The following DSCAM variants were observed in gnomAD, a reference collection of about 807,000 sequenced individuals.
The protein encoded by DSCAM is cell adhesion molecule DSCAM.
A neutral mutation model predicts 217.7 loss-of-function variants in DSCAM; 47 were observed. The ratio of observed to expected loss-of-function variants is 0.22; its 90% confidence interval spans 0.17 to 0.28. The LOEUF (loss-of-function observed/expected upper bound fraction) is 0.28, where lower values mean the gene tolerates loss of function less well. Ranked by LOEUF, DSCAM falls within the 10% of genes least tolerant of loss-of-function variation. DSCAM has a pLI of 1.00. For missense variants in DSCAM, 2,080 were observed against 2,618.3 expected, an observed-to-expected ratio of 0.79 and a Z score of 4.49; for synonymous variants, 1,056 against 1,015.3, an observed-to-expected ratio of 1.04 and a Z score of -0.76.
At chr21:40,228,145 A>T (rs575206892) in intron 11 of DSCAM, among the ~76,000 whole-genome samples, 1 of 152,232 alleles carries the variant, frequency 6.6e-6, no homozygotes, top group Admixed American at 6.5e-5. Context: ...TTCTCATCAC[A>T]TCATATCAAG....
intron 21 of DSCAM, among the ~76,000 whole-genome samples, chr21:40,089,634 C>T (rs1217720404): frequency 1.3e-5 from 2 of 152,110 alleles, no homozygotes; most frequent in African/African-American, 4.8e-5. Flanking sequence ...CCTTGACTTC[C>T]CAACAACTAC....
rs566324590 is a variant in DSCAM, at chr21:40,333,691, C to G, written c.1783+4410G>C. On this transcript the variant is annotated intron_variant, in intron 8 of 32. Coordinates refer to ENST00000400454, the MANE Select transcript of DSCAM (RefSeq NM_001389.5). ...GTTCAGAAGTCATTTTATTTAAGAC[C>G]CTTCTAAGTTCTGAGTAAAGGCTAA... 3.3e-5 allele frequency among the ~76,000 whole-genome samples: 5 copies of G among 152,222 alleles called. No individual in the cohort carries two copies. The South Asian group carries it at 6.2e-4, about 19-fold the overall frequency.
In DSCAM at chr21:40,189,230, T is replaced by C; in HGVS notation, c.2365A>G (p.Met789Val). The C allele has an allele frequency of 6.4e-7, 1 of 1,574,326 alleles. No individual in the cohort carries two copies. Among genetic ancestry groups the C allele is most frequent in the Non-Finnish European group, 8.6e-7 (1 of 1,162,824 alleles). ...SMYLTVKIPA[M>V]ITSYPNTTLA... ...GTAGTATTTGGATAGGATGTTATCA[T>C]CGCAGGAACTGAAAAAGCAAAAGGG... The change falls in exon 12 of 33, where the codon ATG (methionine) becomes GTG (valine). Residue 789 changes from methionine (M) to valine (V), a missense_variant. Around this residue, in one of 5 missense-constraint regions of DSCAM, gnomAD observed 218 missense variants for 364.1 expected, o/e 0.60. Transcript: ENST00000400454.
At chr21:40,195,900 A>G (rs1159195222) in intron 11 of DSCAM, among the ~76,000 whole-genome samples, 1 of 152,256 alleles carries the variant, frequency 6.6e-6, no homozygotes, top group Non-Finnish European at 1.5e-5. Flanking sequence ...CCATGTATCT[A>G]CTGCCTGGAT....
At chr21:40,696,452 T>C (rs2090596053) in intron 2 of DSCAM, among the ~76,000 whole-genome samples, 1 of 152,178 alleles carries the variant, frequency 6.6e-6, no homozygotes, top group Non-Finnish European at 1.5e-5. Context: ...TGCTCGGTCA[T>C]GCAGAGGAGC....
At chr21:40,574,733 G>A (rs2076835335) in intron 3 of DSCAM, among the ~76,000 whole-genome samples, 2 of 147,786 alleles carry the variant, frequency 1.4e-5, no homozygotes, top group Admixed American at 1.3e-4. Context: ...TTTTGAGACG[G>A]AGACTTGCTC....
At chr21:40,132,073 C>T (rs1388987673) in intron 19 of DSCAM, among the ~76,000 whole-genome samples, 1 of 152,190 alleles carries the variant, frequency 6.6e-6, no homozygotes, top group Non-Finnish European at 1.5e-5. Context: ...TCAATTTGCT[C>T]TTTAAATAAT....
chr21:40,077,178 G>A (rs954907323), intron 26 of DSCAM, among the ~76,000 whole-genome samples: 7 of 152,156 alleles, frequency 4.6e-5, no homozygotes, highest in Admixed American at 2.0e-4. Flanking sequence ...GACAGAGCCC[G>A]TGCAGAGGCC....
intron 9 of DSCAM, among the ~76,000 whole-genome samples, chr21:40,305,679 C>A (rs901620206): frequency 6.6e-6 from 1 of 151,682 alleles, no homozygotes; most frequent in Non-Finnish European, 1.5e-5. Flanking sequence ...GTTTTCCCAG[C>A]ACCATTTATT....
At chr21:40,263,757 AAAC>A (rs1219778829) in intron 11 of DSCAM, among the ~76,000 whole-genome samples, 2 of 152,188 alleles carry the variant, frequency 1.3e-5, no homozygotes, top group African/African-American at 4.8e-5. Flanking sequence ...AAGATCAATG[AAAC>A]AACAAGGAGG....
intron 20 of DSCAM, among the ~76,000 whole-genome samples, chr21:40,096,348 C>A (rs1366901604): frequency 2.0e-5 from 3 of 152,112 alleles, no homozygotes; most frequent in Admixed American, 2.0e-4. Flanking sequence ...AAGCTGTGCT[C>A]GGACCACCTT....
At chr21:40,173,751 G>A (rs1445520145) in intron 15 of DSCAM, among the ~76,000 whole-genome samples, 1 of 152,112 alleles carries the variant, frequency 6.6e-6, no homozygotes, top group Non-Finnish European at 1.5e-5. Flanking sequence ...CTGCTGCCCC[G>A]GAATGGGAGG....
At chr21:40,645,585 G>T (rs182178102) in intron 3 of DSCAM, among the ~76,000 whole-genome samples, 2 of 152,034 alleles carry the variant, frequency 1.3e-5, no homozygotes, top group South Asian at 2.1e-4. Flanking sequence ...TAGGTAGGAC[G>T]ATTCCTAAAT....
At chr21:40,497,183 A>G (rs1353042864) in intron 3 of DSCAM, among the ~76,000 whole-genome samples, 2 of 152,202 alleles carry the variant, frequency 1.3e-5, no homozygotes, top group South Asian at 2.1e-4. Context: ...TATCGAAGAG[A>G]TATCTCCACC....
chr21:40,497,580 C>T (rs139285394), intron 3 of DSCAM, among the ~76,000 whole-genome samples: 61 of 152,220 alleles, frequency 4.0e-4, no homozygotes, highest in Middle Eastern at 6.8e-3. Flanking sequence ...TTAATAACAA[C>T]ATATTGTATT....
intron 3 of DSCAM, among the ~76,000 whole-genome samples, chr21:40,442,514 T>A (rs2075639928): frequency 1.2e-5 from 1 of 85,998 alleles, no homozygotes; most frequent in African/African-American, 3.8e-5. Flanking sequence ...TAATTTTTTT[T>A]TTGTTTTTTT....
At chr21:40,744,956 A>C (rs546762997) in intron 1 of DSCAM, among the ~76,000 whole-genome samples, 2 of 152,314 alleles carry the variant, frequency 1.3e-5, no homozygotes, top group East Asian at 3.9e-4. Flanking sequence ...AAGTAAATAG[A>C]AACACTTTTT....
intron 3 of DSCAM, among the ~76,000 whole-genome samples, chr21:40,511,784 G>T (rs536484049): frequency 5.2e-4 from 79 of 151,842 alleles, no homozygotes; most frequent in Non-Finnish European, 9.6e-4. Flanking sequence ...GAGGTCAGGA[G>T]ATCGAGACCA....
At chr21:40,311,452 T>A (rs370501210) in intron 9 of DSCAM, among the ~76,000 whole-genome samples, 1 of 152,232 alleles carries the variant, frequency 6.6e-6, no homozygotes, top group Admixed American at 6.5e-5. Context: ...ACAGTTTAGA[T>A]GTAATGAGAT....
Sources: gnomAD v4.1 joint callset for allele counts (sites outside exome capture counted in the v4.1 genomes callset) on GRCh38, gnomAD v4.1.1 for gene constraint, gnomAD v4.1.1 regional missense constraint, MANE v1.5 for transcripts, NCBI Gene and HGNC (gene_info 2026-07-23, HGNC 2026-07-21) for gene names.